The following PTP4A1 variants were observed in gnomAD, a reference collection of about 807,000 sequenced individuals.
PTP4A1 encodes protein tyrosine phosphatase 4A1.
In PTP4A1, 9 loss-of-function variants were observed where a neutral mutation model predicts 20.5. That is an observed-to-expected ratio of 0.44 (90% CI 0.26 to 0.77). The LOEUF (loss-of-function observed/expected upper bound fraction) is 0.77. Among genes scored for constraint, PTP4A1 ranks in the 30% least tolerant of loss-of-function variants. The pLI is 0.19. For missense variants in PTP4A1, 137 were observed against 218.8 expected (o/e 0.63, Z 2.36); for synonymous variants, 78 against 67.4 (o/e 1.16, Z -0.77).
At chr6:63,575,420 A>G (rs1313397294) in intron 1 of PTP4A1, among the ~76,000 whole-genome samples, 1 of 152,196 alleles carries the variant, frequency 6.6e-6, no homozygotes, top group African/African-American at 2.4e-5. Flanking sequence ...CCATGTACAT[A>G]TTTTAAAAAT....
intron 2 of PTP4A1, among the ~76,000 whole-genome samples, chr6:63,532,422 A>G (rs768692314): frequency 5.3e-5 from 8 of 152,156 alleles, no homozygotes; most frequent in Non-Finnish European, 1.0e-4. Flanking sequence ...CAGCCACAGG[A>G]CCTGCTCATG....
rs1032347584 is a variant in PTP4A1 at position 63,575,997 on chromosome 6, TGTTA to T, written c.-445-435_-445-432del. 1.7e-4 allele frequency among the ~76,000 whole-genome samples: 26 copies of T among 151,944 alleles called. 1 individual carries two copies. Among genetic ancestry groups the T allele is most frequent in the South Asian group, 6.2e-4 (3 of 4,832 alleles). On this transcript the variant is annotated intron_variant, in intron 1 of 5. Transcript: ENST00000626021. The stretch of plus-strand genomic sequence containing the variant: ...TTGTATTAATGTGTAAAAATGTTTT[TGTTA>T]GTTGGAAAAATCAACATAAAGTGTA...
chr6:63,547,883 C>T (rs548362123), intron 2 of PTP4A1, among the ~76,000 whole-genome samples: 2 of 152,262 alleles, frequency 1.3e-5, no homozygotes, highest in East Asian at 1.9e-4. Flanking sequence ...CTTTCCAACA[C>T]TTATTTATTT....
chr6:63,536,043 G>GTTTA (rs1433323928), intron 2 of PTP4A1, among the ~76,000 whole-genome samples: 6 of 149,112 alleles, frequency 4.0e-5, no homozygotes, highest in Non-Finnish European at 8.9e-5. Flanking sequence ...AAAGTACTGG[G>GTTTA]TTTACAGGCT....
At chr6:63,529,581 G>A (rs555989970) in intron 2 of PTP4A1, among the ~76,000 whole-genome samples, 27 of 152,154 alleles carry the variant, frequency 1.8e-4, no homozygotes, top group Non-Finnish European at 2.9e-4. Flanking sequence ...TTGTAGAGGA[G>A]GGGCTTAAAC....
In PTP4A1 at chr6:63,524,232, G is replaced by T. The variant is rs139777894; in HGVS notation, c.-906+2406G>T. ...ACTCCTGGCCTCAAATAATCTGACT[G>T]CCTTGGCCTCCCAAATTGCTGGGAT... On this transcript the variant is annotated intron_variant, in intron 1 of 3. Coordinates refer to the PTP4A1 transcript ENST00000639568. Among the ~76,000 whole-genome samples the T allele has an allele frequency of 6.0e-3, 918 of 152,240 alleles. 8 individuals are homozygous for T. Among genetic ancestry groups the T allele is most frequent in the African/African-American group, 0.021 (860 of 41,548 alleles).
chr6:63,564,670 G>A (rs922422150), intron 3 of PTP4A1, among the ~76,000 whole-genome samples: 1 of 152,064 alleles, frequency 6.6e-6, no homozygotes, highest in Non-Finnish European at 1.5e-5. Context: ...CCTTTCTCTA[G>A]CCAGATTAAA....
At chr6:63,579,354 AT>A in intron 5 of PTP4A1, 23 bp downstream of exon 5, 1 of 1,533,212 alleles carries the variant, frequency 6.5e-7, no homozygotes, top group Non-Finnish European at 8.9e-7. Context: ...TTCTCTTTTC[AT>A]TTGTACTCTC....
At chr6:63,571,415 T>A (rs1033748395), upstream of PTP4A1, 1 of 152,186 alleles carries the variant, frequency 6.6e-6, no homozygotes, top group Non-Finnish European at 1.5e-5. Context: ...TCTCCAGAGC[T>A]GAGGAGAAAG....
intron 2 of PTP4A1, among the ~76,000 whole-genome samples, chr6:63,547,812 A>C (rs1470672328): frequency 6.6e-6 from 1 of 151,802 alleles, no homozygotes; most frequent in Non-Finnish European, 1.5e-5. Flanking sequence ...CGCCCGGCCC[A>C]GGGGGGGATT....
At chr6:63,532,019 T>C (rs1775494587) in intron 2 of PTP4A1, among the ~76,000 whole-genome samples, 2 of 152,148 alleles carry the variant, frequency 1.3e-5, no homozygotes, top group African/African-American at 4.8e-5. Flanking sequence ...GAGGCTGGTC[T>C]TGAACTCTTG....
At chr6:63,576,327 C>A (rs1362366112) in intron 1 of PTP4A1, 109 bp from the exon 2 acceptor site, 2 of 391,726 alleles carry the variant, frequency 5.1e-6, no homozygotes, top group African/African-American at 4.1e-5. Context: ...GCGGCTCAGG[C>A]CCTGCTTTAG....
upstream of PTP4A1, among the ~76,000 whole-genome samples, chr6:63,569,652 G>A (rs137877372): frequency 1.9e-3 from 284 of 152,316 alleles, 1 homozygote; most frequent in African/African-American, 6.5e-3. Flanking sequence ...CCTGCCTATC[G>A]TGATGAGGTT....
intron 1 of PTP4A1, chr6:63,573,535 G>C (rs1278904930): frequency 6.6e-6 from 1 of 152,260 alleles, no homozygotes; most frequent in Non-Finnish European, 1.5e-5. Flanking sequence ...GGCGCACACA[G>C]CCGCGTGCGC....
intron 2 of PTP4A1, chr6:63,549,605 C>T: frequency 3.6e-6 from 2 of 555,770 alleles, no homozygotes; most frequent in Non-Finnish European, 6.3e-6. Context: ...GATATATATA[C>T]ACAATGGAAT....
intron 2 of PTP4A1, among the ~76,000 whole-genome samples, chr6:63,529,310 C>T (rs1775351966): frequency 6.7e-6 from 1 of 150,076 alleles, no homozygotes; most frequent in African/African-American, 2.5e-5. Flanking sequence ...CTCTACATAA[C>T]ATTTGATACA....
the PTP4A1 span, among the ~76,000 whole-genome samples, chr6:63,516,472 G>A: frequency 6.6e-6 from 1 of 152,164 alleles, no homozygotes; most frequent in African/African-American, 2.4e-5. Flanking sequence ...TGAGAGCTCT[G>A]AAGTTTGAAT....
intron 1 of PTP4A1, among the ~76,000 whole-genome samples, chr6:63,523,731 C>T (rs112589212): frequency 2.0e-4 from 30 of 151,938 alleles, no homozygotes; most frequent in Non-Finnish European, 3.1e-4. Flanking sequence ...ACTTTTTTTG[C>T]GATTTTTTTA....
chr6:63,553,103 CT>C (rs1180800505), intron 3 of PTP4A1, among the ~76,000 whole-genome samples: 38 of 152,144 alleles, frequency 2.5e-4, no homozygotes, highest in African/African-American at 9.2e-4. Context: ...GAATGTATAT[CT>C]GTGTATATTG....
Sources: allele counts gnomAD v4.1 joint callset (sites outside exome capture counted in the v4.1 genomes callset), GRCh38; gene constraint gnomAD v4.1.1; transcripts MANE v1.5; gene names NCBI Gene and HGNC (gene_info 2026-07-23, HGNC 2026-07-21).